Variants in PTCH2 observed in about 807,000 individuals in gnomAD.
PTCH2 encodes the protein patched 2.
Under a neutral mutation model 117.9 loss-of-function variants are expected in PTCH2, and 96 were observed. That is an observed-to-expected ratio of 0.81 (90% CI 0.69 to 0.96). PTCH2 has a LOEUF of 0.96. PTCH2 is among the 50% of genes least tolerant of loss of function. The pLI is 0.00. For synonymous variants in PTCH2, 615 were observed against 660.9 expected (o/e 0.93, Z 1.06); for missense variants, 1,379 against 1,562.5 (o/e 0.88, Z 1.98).
chr1:44,842,953 C>T lies in PTCH2; in HGVS notation c.-21G>A, dbSNP rs1022169903. On this transcript the variant is annotated 5_prime_UTR_variant, in exon 1 of 22. Transcript: ENST00000372192. ...GTCATGCTGGCGGGGATGGGGGGCG[C>T]GGGCGCCCCCAACCCGCGTTATCTG... 1.3e-6 allele frequency: 2 copies of T among 1,525,198 alleles called. No homozygotes were observed. The highest frequency in any genetic ancestry group is 2.1e-5 in the Admixed American group (1 of 46,712). 94.5% of individuals were successfully genotyped at this position (1,525,198 alleles called of 1,614,324 possible). A position where few individuals can be genotyped will look rare whatever the true frequency, so the allele number is the denominator to read the frequency against.
In PTCH2 at chr1:44,822,386, C is replaced by A; in HGVS notation, c.*29G>T. On this transcript the variant is annotated 3_prime_UTR_variant, in exon 22 of 22. Transcript: ENST00000372192. Reference sequence around the variant, plus strand: ...CTTCCCAGTGACCCCACACGCCCCACACATGGTCTCTGTGCTTCAGCTGCT... The same window carrying A: ...CTTCCCAGTGACCCCACACGCCCCAAACATGGTCTCTGTGCTTCAGCTGCT... The A allele has an allele frequency of 6.2e-7, 1 of 1,613,134 alleles. No homozygotes were observed. The highest frequency in any genetic ancestry group is 1.1e-5 in the South Asian group (1 of 91,086).
intron 19 of PTCH2, among the ~76,000 whole-genome samples, chr1:44,824,917 C>G (rs1222101487): frequency 6.6e-6 from 1 of 152,094 alleles, no homozygotes; most frequent in Non-Finnish European, 1.5e-5. Flanking sequence ...AGCAATCCAC[C>G]AGCTTTAGCC....
chr1:44,819,975 G>A (rs540254924), downstream of PTCH2: 9 of 154,534 alleles, frequency 5.8e-5, no homozygotes, highest in South Asian at 3.6e-4. Context: ...AGATTTATGC[G>A]CTTTGAAGAG....
downstream of PTCH2, chr1:44,819,983 G>A (rs551187137): frequency 6.5e-4 from 101 of 155,156 alleles, no homozygotes; most frequent in African/African-American, 1.2e-3. Flanking sequence ...GCGCTTTGAA[G>A]AGAAACCCGA....
At chr1:44,820,059 T>A (rs921598784), downstream of PTCH2, 2 of 224,484 alleles carry the variant, frequency 8.9e-6, no homozygotes, top group African/African-American at 4.6e-5. Context: ...TTATGGTTGT[T>A]GGATGCCTGC....
At chr1:44,841,151 A>C (rs1653929161) in intron 2 of PTCH2, among the ~76,000 whole-genome samples, 1 of 151,964 alleles carries the variant, frequency 6.6e-6, no homozygotes, top group African/African-American at 2.4e-5. Context: ...CCTGGGTGAC[A>C]GAGAAAGACT....
Position 44,822,551 on chromosome 1 carries a change from G to A in PTCH2, c.3476C>T (p.Ser1159Phe), listed in dbSNP as rs756628662. The change falls in exon 22 of 22, where the codon TCC becomes TTC. Residue 1159 changes from serine to phenylalanine, a missense_variant. By Grantham distance (155) the Ser-to-Phe change is radical. Coordinates refer to ENST00000372192, the MANE Select transcript of PTCH2 (RefSeq NM_003738.5). ...LPQSFARVTT[S>F]MTVAIHPPPL... ...GGGTGGGTGGATGGCCACGGTCATG[G>A]AGGTAGTCACTCTGGCAAAGCTCTG... 6.2e-7 allele frequency: 1 copy of A among 1,614,118 alleles called. No homozygotes were observed. The highest frequency in any genetic ancestry group is 1.1e-5 in the South Asian group (1 of 91,086).
rs1314685405 is a variant in PTCH2 at position 44,830,027 on chromosome 1, G to A, written c.817C>T (p.Pro273Ser). Reference sequence around the variant, plus strand: ...CCACTCAGCTCGTGAGCCACATTGGGAGCCTGGAGGGGAACAGGAGGGGTT... The same window carrying A: ...CCACTCAGCTCGTGAGCCACATTGGAAGCCTGGAGGGGAACAGGAGGGGTT... ...SAPNHHSRQA[P>S]NVAHELSGGC... Residue 273 changes from proline (P) to serine (S), a missense_variant, in exon 7 of 22, where the codon CCC becomes TCC. Transcript: ENST00000372192. The A allele has an allele frequency of 1.2e-6, 2 of 1,614,102 alleles. No individual in the cohort carries two copies. Among genetic ancestry groups the A allele is most frequent in the Non-Finnish European group, 1.7e-6 (2 of 1,179,996 alleles).
Position 44,823,170 on chromosome 1 carries a change from TA to T in PTCH2, c.3258-3del, listed in dbSNP as rs757024783. On this transcript the variant is annotated splice_polypyrimidine_tract_variant and splice_region_variant and intron_variant, in intron 20 of 21. Transcript: ENST00000372192. The surrounding 1 kb of genome is among the most constrained non-coding windows in gnomAD (Gnocchi z 5.1). ...ACTGTCAGCGCCGCAAAGAAGTACC[TA>T]GGGGTAGGGTGTGGGGGGAGTCAGC... 1.9e-6 allele frequency: 3 copies of T among 1,613,944 alleles called. No individual in the cohort carries two copies. The highest frequency in any genetic ancestry group is 2.5e-6 in the Non-Finnish European group (3 of 1,179,988).
At position 44,842,916 on chromosome 1, in the gene PTCH2, G is replaced by A. The variant is rs1006904476; in HGVS notation, c.17C>T (p.Pro6Leu). 8 of 1,548,716 alleles carry A rather than the reference G, an allele frequency of 5.2e-6. No homozygotes were observed. The highest frequency in any genetic ancestry group is 7.0e-6 in the Non-Finnish European group (8 of 1,145,862). MTRSP[P>L]LRELPPSYTP... ...GTAACTCGGGGGCAGCTCTCTGAGG[G>A]GCGGCGATCGAGTCATGCTGGCGGG... The change falls in exon 1 of 22, where the codon CCC becomes CTC. Residue 6 changes from proline (P) to leucine (L), a missense_variant. Coordinates refer to ENST00000372192, the MANE Select transcript of PTCH2 (RefSeq NM_003738.5).
rs1653428390 is a variant in PTCH2 at position 44,831,138 on chromosome 1, A to T, written c.618-95T>A. ...CCATGCTGTACCCCACCCTCCTCTT[A>T]TCTGCCGATTTGTCCTTCCATATGG... On this transcript the variant is annotated intron_variant, in intron 5 of 21. Coordinates refer to ENST00000372192, the MANE Select transcript of PTCH2 (RefSeq NM_003738.5). The surrounding 1 kb of genome is among the most constrained non-coding windows in gnomAD (Gnocchi z 4.3). The T allele has an allele frequency of 1.6e-6, 2 of 1,256,942 alleles. No individual in the cohort carries two copies. Among genetic ancestry groups the T allele is most frequent in the Admixed American group, 4.4e-5 (2 of 45,920 alleles). The allele number at this position is 1,256,942 out of a possible 1,614,324, so 77.9% of individuals were successfully genotyped here.
At chr1:44,833,414 C>T (rs147366743) in intron 2 of PTCH2, among the ~76,000 whole-genome samples, 6 of 151,186 alleles carry the variant, frequency 4.0e-5, no homozygotes, top group African/African-American at 9.7e-5. Flanking sequence ...CATCTGAGAT[C>T]GTCATGTTTC....
downstream of PTCH2, chr1:44,820,712 G>T: frequency 1.4e-6 from 1 of 718,422 alleles, no homozygotes; most frequent in Non-Finnish European, 2.6e-6. Context: ...GGCCTGGAAA[G>T]ATGAAGATGA....
intron 2 of PTCH2, among the ~76,000 whole-genome samples, chr1:44,837,991 A>G (rs1021313633): frequency 3.3e-5 from 5 of 151,628 alleles, no homozygotes; most frequent in African/African-American, 1.2e-4. Flanking sequence ...CTGAGGCAGG[A>G]GAATGGCGTG....
At position 44,827,594 on chromosome 1, in the gene PTCH2, G is replaced by A. The variant is rs2148875489; in HGVS notation, c.2179C>T (p.Leu727=). Reference sequence around the variant, plus strand: ...GAGAAGTACCTGAGCTGGGCGCTCAGGAAGGCATGCTCCTTGGTGCCCCGA... The same window carrying A: ...GAGAAGTACCTGAGCTGGGCGCTCAAGAAGGCATGCTCCTTGGTGCCCCGA... ...VPRGTKEHAF[L]SAQLRYFSLY... The change falls in exon 15 of 22, where the codon CTG becomes TTG. Residue 727 remains leucine (L), a synonymous_variant. Coordinates refer to ENST00000372192, the MANE Select transcript of PTCH2 (RefSeq NM_003738.5). 6.2e-7 allele frequency: 1 copy of A among 1,614,072 alleles called. No individual in the cohort carries two copies. Among genetic ancestry groups the A allele is most frequent in the Non-Finnish European group, 8.5e-7 (1 of 1,180,036 alleles).
At position 44,832,168 on chromosome 1, in the gene PTCH2, C is replaced by G. The variant is rs2148880237; in HGVS notation, c.439G>C (p.Val147Leu). Residue 147 changes from valine (V) to leucine (L), a missense_variant, in exon 3 of 22, where the codon GTA becomes CTA. Transcript: ENST00000372192. ...CAGACTCACTTCCCATAGAGTGATACTTGGACTTTACTGGCAGTGAGGGCT... is the reference window on the plus strand; with the variant it reads ...CAGACTCACTTCCCATAGAGTGATAGTTGGACTTTACTGGCAGTGAGGGCT... ...QAALTASKVQ[V>L]SLYGKSWDLN... The G allele has an allele frequency of 2.5e-6, 4 of 1,614,180 alleles. No homozygotes were observed. Among genetic ancestry groups the G allele is most frequent in the Non-Finnish European group, 3.4e-6 (4 of 1,180,044 alleles).
downstream of PTCH2, chr1:44,820,223 C>T (rs1212564057): frequency 8.0e-6 from 3 of 375,494 alleles, no homozygotes; most frequent in East Asian, 2.2e-4. Flanking sequence ...TCACAGGCGG[C>T]TCCGGGCTGT....
intron 14 of PTCH2, 24 bp downstream of exon 14, chr1:44,827,819 C>T: frequency 1.2e-6 from 2 of 1,613,640 alleles, no homozygotes; most frequent in Non-Finnish European, 1.7e-6. Context: ...TGCTAAGTCT[C>T]TGCCCTGCTC....
rs560873168 is a variant in PTCH2 at position 44,826,957 on chromosome 1, G to T, written c.2640C>A (p.Pro880=). 65 of 1,614,096 alleles carry T rather than the reference G, an allele frequency of 4.0e-5. No homozygotes were observed. The highest frequency in any genetic ancestry group is 2.6e-4 in the South Asian group (24 of 91,088). ...TGTCGTGCAGCCATTCAGGAGGTGGGGGGTAGAAGTTGGCCTGTGAGGCTG... is the reference window on the plus strand; with the variant it reads ...TGTCGTGCAGCCATTCAGGAGGTGGTGGGTAGAAGTTGGCCTGTGAGGCTG... ...GLAASQANFY[P]PPPEWLHDKY... Residue 880 remains proline, a synonymous_variant, in exon 17 of 22, where the codon CCC becomes CCA. Coordinates refer to ENST00000372192, the MANE Select transcript of PTCH2 (RefSeq NM_003738.5). The surrounding 1 kb of genome is among the most constrained non-coding windows in gnomAD (Gnocchi z 5.1).
Sources: gnomAD v4.1 joint callset for allele counts (sites outside exome capture counted in the v4.1 genomes callset) on GRCh38, gnomAD v4.1.1 for gene constraint, Gnocchi (gnomAD v3.1) non-coding constraint, MANE v1.5 for transcripts, NCBI Gene and HGNC (gene_info 2026-07-23, HGNC 2026-07-21) for gene names.